Variants in SFXN1 observed in about 807,000 individuals in gnomAD.
The protein encoded by SFXN1 is sideroflexin 1.
A neutral mutation model predicts 39.5 loss-of-function variants in SFXN1; 32 were observed. That is an observed-to-expected ratio of 0.81 (90% CI 0.61 to 1.09). The LOEUF is 1.09. SFXN1 is among the 50% of genes least tolerant of loss of function. SFXN1 has a pLI of 0.00. For missense variants in SFXN1, 402 were observed against 407.1 expected (o/e 0.99, Z 0.11); for synonymous variants, 136 against 146.5 (o/e 0.93, Z 0.52).
intron 2 of SFXN1, chr5:175,492,659 G>A (rs1759704261): frequency 6.1e-6 from 1 of 162,998 alleles, no homozygotes; most frequent in African/African-American, 2.4e-5. Flanking sequence ...TCAGGGGTAG[G>A]TTGGTTCCTT....
chr5:175,479,308 T>C (rs1111437), intron 1 of SFXN1, among the ~76,000 whole-genome samples: 2,550 of 152,274 alleles, frequency 0.017, 60 homozygotes, highest in African/African-American at 0.056. Context: ...CATATACTTT[T>C]ACACTCTTCC....
intron 2 of SFXN1, among the ~76,000 whole-genome samples, chr5:175,495,720 C>T (rs1261472294): frequency 1.8e-5 from 2 of 111,990 alleles, no homozygotes; most frequent in Non-Finnish European, 3.7e-5. Flanking sequence ...CAGAGCAAGA[C>T]TTCGTCTCAA....
intron 2 of SFXN1, among the ~76,000 whole-genome samples, chr5:175,507,505 G>A (rs1320075580): frequency 1.3e-5 from 2 of 152,184 alleles, no homozygotes; most frequent in African/African-American, 2.4e-5. Context: ...TTCTAGAGGA[G>A]AGACTGAAAA....
chr5:175,488,493 G>C (rs1453159789), intron 1 of SFXN1, among the ~76,000 whole-genome samples: 1 of 152,056 alleles, frequency 6.6e-6, no homozygotes, highest in Non-Finnish European at 1.5e-5. Context: ...GTAGAGACAG[G>C]GTTTCTCCAT....
intron 1 of SFXN1, among the ~76,000 whole-genome samples, chr5:175,484,871 T>C (rs1207160379): frequency 2.0e-5 from 3 of 152,194 alleles, no homozygotes; most frequent in Non-Finnish European, 4.4e-5. Flanking sequence ...CTGTTGACTT[T>C]AATGTGAATA....
intron 1 of SFXN1, chr5:175,491,885 A>ATAT: frequency 2.2e-6 from 1 of 451,778 alleles, no homozygotes. Flanking sequence ...TATGTAGGAA[A>ATAT]CTATTGAAAT....
intron 2 of SFXN1, among the ~76,000 whole-genome samples, chr5:175,504,831 C>T: frequency 6.6e-6 from 1 of 152,092 alleles, no homozygotes; most frequent in South Asian, 2.1e-4. Context: ...CGGGTTCACG[C>T]CATTCTCCTG....
chr5:175,501,311 G>A (rs531536313), intron 2 of SFXN1, among the ~76,000 whole-genome samples: 43 of 152,044 alleles, frequency 2.8e-4, no homozygotes, highest in Admixed American at 2.1e-3. Context: ...CTCGTTATCC[G>A]CCCGCCTCGG....
Position 175,478,627 on chromosome 5 carries a change from C to G in SFXN1, c.-22C>G, listed in dbSNP as rs1005927887. ...GACCTGCGAGCAGCGCGGGCGGCAG[C>G]CCGGGGGAAGCGGTGAGTCGCGGGC... On this transcript the variant is annotated 5_prime_UTR_variant, in exon 1 of 11. Transcript: ENST00000321442. 6.6e-6 allele frequency: 1 copy of G among 151,676 alleles called. No individual in the cohort carries two copies. The highest frequency in any genetic ancestry group is 1.5e-5 in the Non-Finnish European group (1 of 68,392). The allele number at this position is 151,676 out of a possible 1,614,324, so 9.4% of individuals were successfully genotyped here.
At chr5:175,509,241 A>G in intron 3 of SFXN1, 39 bp downstream of exon 3, 2 of 1,535,112 alleles carry the variant, frequency 1.3e-6, no homozygotes, top group Middle Eastern at 1.7e-4. Context: ...GTTTACCATT[A>G]CAGAAGCTCA....
Position 175,509,022 on chromosome 5 carries a change from G to A in SFXN1, c.165-10G>A. 2 of 1,596,052 alleles carry A rather than the reference G, an allele frequency of 1.3e-6. No homozygotes were observed. The highest frequency in any genetic ancestry group is 1.7e-6 in the Non-Finnish European group (2 of 1,171,058). ...ATGAGCAATTGCCATATTATTTGTTGTTTTCTTAGGCAAGGAATTGTTCCT... is the reference window on the plus strand; with the variant it reads ...ATGAGCAATTGCCATATTATTTGTTATTTTCTTAGGCAAGGAATTGTTCCT... On this transcript the variant is annotated splice_polypyrimidine_tract_variant and intron_variant, in intron 2 of 10. Transcript: ENST00000321442.
chr5:175,496,542 T>C (rs181215831), intron 2 of SFXN1, among the ~76,000 whole-genome samples: 2 of 152,318 alleles, frequency 1.3e-5, no homozygotes, highest in African/African-American at 4.8e-5. Flanking sequence ...ACATGTTTCA[T>C]TTTAAAGTTA....
At chr5:175,488,366 G>A (rs528475373) in intron 1 of SFXN1, among the ~76,000 whole-genome samples, 272 of 150,300 alleles carry the variant, frequency 1.8e-3, no homozygotes, top group African/African-American at 5.7e-3. Flanking sequence ...GCAATGGCAC[G>A]ATCTCGGCTC....
intron 1 of SFXN1, chr5:175,484,163 C>T (rs1286594935): frequency 6.6e-6 from 1 of 152,302 alleles, no homozygotes; most frequent in African/African-American, 2.4e-5. Context: ...CGAGAAGCCT[C>T]TGTCCTAGCA....
chr5:175,480,759 G>A lies in SFXN1; in HGVS notation c.-10+2120G>A, dbSNP rs1471923648. ...GGTAAGAGCAGACCCGTCATCAAAC[G>A]TTGTTGTTCTGGAAGACTTACGTTG... On this transcript the variant is annotated intron_variant, in intron 1 of 10. Coordinates refer to ENST00000321442, the MANE Select transcript of SFXN1 (RefSeq NM_022754.7). Among the ~76,000 whole-genome samples the A allele has an allele frequency of 2.6e-5, 4 of 152,320 alleles. No individual in the cohort carries two copies. The East Asian group carries it at 7.7e-4, about 29-fold the overall frequency.
intron 10 of SFXN1, chr5:175,525,929 A>T (rs1437741887): frequency 3.9e-5 from 6 of 152,184 alleles, no homozygotes; most frequent in Admixed American, 1.3e-4. Context: ...TATTTTTTTT[A>T]AACTAATTAC....
chr5:175,501,344 A>AC (rs1760077464), intron 2 of SFXN1, among the ~76,000 whole-genome samples: 1 of 152,188 alleles, frequency 6.6e-6, no homozygotes. Flanking sequence ...CTGGGATTAC[A>AC]AGTGGGAGCC....
At position 175,527,084 on chromosome 5, in the gene SFXN1, A is replaced by G. The variant is rs566338242; in HGVS notation, c.*350A>G. ...ATGGTCAGTAAATGTTCTATTGATT[A>G]TCAATCAGTGAAAAAAGAAATCTGT... On this transcript the variant is annotated 3_prime_UTR_variant, in exon 11 of 11. Transcript: ENST00000321442. 1.2e-3 allele frequency: 234 copies of G among 196,122 alleles called. No individual in the cohort carries two copies. The highest frequency in any genetic ancestry group is 2.6e-3 in the Admixed American group (46 of 17,814). 12.1% of individuals were successfully genotyped at this position (196,122 alleles called of 1,614,324 possible).
intron 1 of SFXN1, among the ~76,000 whole-genome samples, chr5:175,479,359 G>A (rs565511696): frequency 6.6e-6 from 1 of 152,256 alleles, no homozygotes; most frequent in African/African-American, 2.4e-5. Flanking sequence ...TAATCCACAT[G>A]AGAAAACTGG....
Sources: allele counts gnomAD v4.1 joint callset (sites outside exome capture counted in the v4.1 genomes callset), GRCh38; gene constraint gnomAD v4.1.1; transcripts MANE v1.5; gene names NCBI Gene and HGNC (gene_info 2026-07-23, HGNC 2026-07-21).